FNIP2: variants seen among roughly 807,000 people sequenced by gnomAD.
FNIP2 encodes the protein folliculin interacting protein 2.
In FNIP2, 32 loss-of-function variants were observed where a neutral mutation model predicts 108.7. The observed-to-expected ratio is 0.29, with a 90% confidence interval of 0.22 to 0.40. FNIP2 has a LOEUF of 0.40. Ranked by LOEUF, FNIP2 falls within the 10% of genes least tolerant of loss-of-function variation. FNIP2 has a pLI of 1.00. For synonymous variants in FNIP2, 480 were observed against 496.7 expected (o/e 0.97, Z 0.45); for missense variants, 1,202 against 1,381.6 (o/e 0.87, Z 2.06).
intron 7 of FNIP2, among the ~76,000 whole-genome samples, chr4:158,839,450 C>G (rs1364497995): frequency 6.6e-6 from 1 of 152,086 alleles, no homozygotes; most frequent in Non-Finnish European, 1.5e-5. Context: ...ACTGCAGCCT[C>G]GAACTCCTGG....
rs1212494919 is a variant in FNIP2, at chr4:158,906,999, C to T, written c.*2455C>T. ...ATCTACCTCAGTTGACAGGATTCCA[C>T]CTTTAGGGTTTCTTCAACTTTTAAG... On this transcript the variant is annotated 3_prime_UTR_variant, in exon 17 of 17. Coordinates refer to ENST00000264433, the MANE Select transcript of FNIP2 (RefSeq NM_020840.3). 6.6e-6 allele frequency: 1 copy of T among 152,186 alleles called. No homozygotes were observed. The highest frequency in any genetic ancestry group is 6.5e-5 in the Admixed American group (1 of 15,280). The allele number at this position is 152,186 out of a possible 1,614,324, so 9.4% of individuals were successfully genotyped here. A position where few individuals can be genotyped will look rare whatever the true frequency, so the allele number is the denominator to read the frequency against.
intron 16 of FNIP2, among the ~76,000 whole-genome samples, chr4:158,899,450 G>A (rs1431234525): frequency 6.6e-6 from 1 of 152,154 alleles, no homozygotes; most frequent in African/African-American, 2.4e-5. Context: ...GTACACTCTG[G>A]TAGAATTTGG....
chr4:158,847,993 CA>C (rs1779498685), intron 7 of FNIP2, among the ~76,000 whole-genome samples: 1 of 152,202 alleles, frequency 6.6e-6, no homozygotes, highest in Admixed American at 6.5e-5. Flanking sequence ...AACAGAGCAT[CA>C]GGTAGATTCG....
chr4:158,902,605 C>T (rs955283014), intron 16 of FNIP2, among the ~76,000 whole-genome samples: 5 of 152,212 alleles, frequency 3.3e-5, no homozygotes, highest in African/African-American at 4.8e-5. Flanking sequence ...CCCCCAGGTG[C>T]TCTGTCCCAA....
At chr4:158,786,460 TA>T (rs1293528444) in intron 1 of FNIP2, among the ~76,000 whole-genome samples, 1 of 152,168 alleles carries the variant, frequency 6.6e-6, no homozygotes, top group Non-Finnish European at 1.5e-5. Flanking sequence ...TGGCCAGAGT[TA>T]AAAAAAGAAA....
chr4:158,865,992 C>T lies in FNIP2; in HGVS notation c.1466-2110C>T, dbSNP rs77656214. ...CAGAAGGAGGTATTTCTTAATGGGTCCCAGGGGGAGGTACTTTCCGATGGT... is the reference window on the plus strand; with the variant it reads ...CAGAAGGAGGTATTTCTTAATGGGTTCCAGGGGGAGGTACTTTCCGATGGT... On this transcript the variant is annotated intron_variant, in intron 12 of 16. Transcript: ENST00000264433. Among the ~76,000 whole-genome samples, 417 of 151,352 alleles carry T rather than the reference C, an allele frequency of 2.8e-3. 2 individuals are homozygous for T. The highest frequency in any genetic ancestry group is 9.6e-3 in the African/African-American group (396 of 41,186).
intron 14 of FNIP2, among the ~76,000 whole-genome samples, chr4:158,888,057 A>G (rs930821469): frequency 1.3e-5 from 2 of 152,218 alleles, no homozygotes; most frequent in Non-Finnish European, 1.5e-5. Flanking sequence ...CTTGAATTGT[A>G]ACTAAAAGTA....
In FNIP2 at chr4:158,831,972, GC is replaced by G. The variant is rs1184546761; in HGVS notation, c.482+12del. 2.5e-6 allele frequency: 4 copies of G among 1,606,860 alleles called. No homozygotes were observed. Among genetic ancestry groups the G allele is most frequent in the African/African-American group, 1.3e-5 (1 of 74,904 alleles). On this transcript the variant is annotated intron_variant, in intron 4 of 16. Transcript: ENST00000264433. Reference sequence around the variant, plus strand: ...GATACACTACATACGGTGAGTCTGGGCTTCCTTTTCTACTAGTTTTGAGAAG... The same window carrying G: ...GATACACTACATACGGTGAGTCTGGGTTCCTTTTCTACTAGTTTTGAGAAG...
chr4:158,907,306 A>G lies in FNIP2; in HGVS notation c.*2762A>G, dbSNP rs552633327. 3 of 152,300 alleles carry G rather than the reference A, an allele frequency of 2.0e-5. No homozygotes were observed. The highest frequency in any genetic ancestry group is 2.1e-4 in the South Asian group (1 of 4,830). 9.4% of individuals were successfully genotyped at this position (152,300 alleles called of 1,614,324 possible). A position where few individuals can be genotyped will look rare whatever the true frequency, so the allele number is the denominator to read the frequency against. ...TAAATAGCTTTTTGTACAGGCTTCAATCCATTTTTCGAAGTGTGCTGTTTT... is the reference window on the plus strand; with the variant it reads ...TAAATAGCTTTTTGTACAGGCTTCAGTCCATTTTTCGAAGTGTGCTGTTTT... On this transcript the variant is annotated 3_prime_UTR_variant, in exon 17 of 17. Transcript: ENST00000264433.
intron 5 of FNIP2, among the ~76,000 whole-genome samples, chr4:158,832,763 G>A (rs1440526403): frequency 6.6e-6 from 1 of 152,146 alleles, no homozygotes; most frequent in Non-Finnish European, 1.5e-5. Flanking sequence ...AAGCCAATAT[G>A]AGAATTTTTA....
At position 158,879,238 on chromosome 4, in the gene FNIP2, C is replaced by T. The variant is rs1269940940; in HGVS notation, c.2949+8769C>T. 2.0e-5 allele frequency among the ~76,000 whole-genome samples: 3 copies of T among 150,560 alleles called. 1 individual carries two copies. Among genetic ancestry groups the T allele is most frequent in the Non-Finnish European group, 4.4e-5 (3 of 67,828 alleles). Reference sequence around the variant, plus strand: ...AACTGGACATCAAAGATAAAGAAAACTCTTAGAAGTAGCTAGAGAGAAGAA... The same window carrying T: ...AACTGGACATCAAAGATAAAGAAAATTCTTAGAAGTAGCTAGAGAGAAGAA... On this transcript the variant is annotated intron_variant, in intron 14 of 16. Transcript: ENST00000264433.
chr4:158,866,279 C>T lies in FNIP2; in HGVS notation c.1466-1823C>T, dbSNP rs373729341. Among the ~76,000 whole-genome samples, 8 of 109,634 alleles carry T rather than the reference C, an allele frequency of 7.3e-5. No individual in the cohort carries two copies. In the South Asian group the frequency reaches 1.4e-3, roughly 20 times the overall value. The allele number at this position is 109,634 out of a possible 152,430, so 71.9% of individuals were successfully genotyped here. A position where few individuals can be genotyped will look rare whatever the true frequency, so the allele number is the denominator to read the frequency against. On this transcript the variant is annotated intron_variant, in intron 12 of 16. Coordinates refer to ENST00000264433, the MANE Select transcript of FNIP2 (RefSeq NM_020840.3). ...TGTCACCCAGGCTGGAGTGCGGTGGCGTGATCTCGGCTCACTGCAACCTCT... is the reference window on the plus strand; with the variant it reads ...TGTCACCCAGGCTGGAGTGCGGTGGTGTGATCTCGGCTCACTGCAACCTCT...
chr4:158,791,266 C>CTTTTTTTTTTT (rs199714823), intron 1 of FNIP2, among the ~76,000 whole-genome samples: 8 of 98,078 alleles, frequency 8.2e-5, no homozygotes, highest in Non-Finnish European at 7.6e-5. Context: ...ACTGAGGATC[C>CTTTTTTTTTTT]TTTTTTTTTT....
chr4:158,786,045 G>A (rs2126438680), intron 1 of FNIP2, among the ~76,000 whole-genome samples: 1 of 152,250 alleles, frequency 6.6e-6, no homozygotes, highest in African/African-American at 2.4e-5. Flanking sequence ...AAACTCATTT[G>A]CCATCTGTCT....
In FNIP2 at chr4:158,868,198, T is replaced by C; in HGVS notation, c.1562T>C (p.Leu521Pro). 1 of 1,614,086 alleles carries C rather than the reference T, an allele frequency of 6.2e-7. No individual in the cohort carries two copies. Among genetic ancestry groups the C allele is most frequent in the Non-Finnish European group, 8.5e-7 (1 of 1,179,908 alleles). ...TTAGTCCAGCGAATACTTTATGTCC[T>C]GACCTACTTTCTCCGTTGCTCTGAG... Reference protein sequence around the residue: ...KDLVQRILYVLTYFLRCSELQ... With the variant: ...KDLVQRILYVPTYFLRCSELQ... Residue 521 changes from leucine to proline, a missense_variant, in exon 13 of 17, where the codon CTG (leucine) becomes CCG (proline). Around this residue, in one of 5 missense-constraint regions of FNIP2, gnomAD observed 878 missense variants for 990.3 expected, o/e 0.89. Coordinates refer to ENST00000264433, the MANE Select transcript of FNIP2 (RefSeq NM_020840.3). This position sits in a 1 kb window ranked among gnomAD's most constrained non-coding sequence, Gnocchi z 4.6.
intron 14 of FNIP2, among the ~76,000 whole-genome samples, chr4:158,881,424 CTTTCCACGGTCTCCCTCTCCCTCT>C (rs1560828152): frequency 7.0e-6 from 1 of 143,476 alleles, no homozygotes; most frequent in Non-Finnish European, 1.5e-5. Context: ...CTCTCCCTCT[CTTTCCACGGTCTCCCTCTCCCTCT>C]CTTTCCACGG....
intron 14 of FNIP2, among the ~76,000 whole-genome samples, chr4:158,879,053 G>T (rs945693797): frequency 6.7e-6 from 1 of 150,224 alleles, no homozygotes; most frequent in Non-Finnish European, 1.5e-5. Flanking sequence ...GCAAGTAAAA[G>T]ATGTGGTGGC....
rs1310848156 is a variant in FNIP2 at position 158,906,185 on chromosome 4, T to C, written c.*1641T>C. Reference sequence around the variant, plus strand: ...TTTGACTTTGGTGTTTTAAGTTCTGTAGTTCCATGACATCATTGTTTGCTG... The same window carrying C: ...TTTGACTTTGGTGTTTTAAGTTCTGCAGTTCCATGACATCATTGTTTGCTG... On this transcript the variant is annotated 3_prime_UTR_variant, in exon 17 of 17. Coordinates refer to ENST00000264433, the MANE Select transcript of FNIP2 (RefSeq NM_020840.3). 1.3e-5 allele frequency: 2 copies of C among 152,236 alleles called. No homozygotes were observed. The highest frequency in any genetic ancestry group is 3.8e-4 in the East Asian group (2 of 5,200). 9.4% of individuals were successfully genotyped at this position (152,236 alleles called of 1,614,324 possible).
At chr4:158,780,568 A>T (rs1423938279) in intron 1 of FNIP2, among the ~76,000 whole-genome samples, 2 of 152,236 alleles carry the variant, frequency 1.3e-5, no homozygotes, top group African/African-American at 4.8e-5. Context: ...TAATTTATGG[A>T]TGAACACTTG....
Sources: allele counts gnomAD v4.1 joint callset (sites outside exome capture counted in the v4.1 genomes callset), GRCh38; gene constraint gnomAD v4.1.1; regional missense constraint gnomAD v4.1.1; non-coding constraint Gnocchi (gnomAD v3.1); transcripts MANE v1.5; gene names NCBI Gene and HGNC (gene_info 2026-07-23, HGNC 2026-07-21).